The following ERBIN variants were observed in gnomAD, a reference collection of about 807,000 sequenced individuals.
ERBIN encodes the protein erbb2 interacting protein.
Under a neutral mutation model 158.4 loss-of-function variants are expected in ERBIN, and 60 were observed. The observed-to-expected ratio is 0.38, with a 90% CI of 0.31 to 0.47. ERBIN has a LOEUF of 0.47. Among genes scored for constraint, ERBIN ranks in the 20% least tolerant of loss-of-function variants. The probability of loss-of-function intolerance (pLI) is 0.99; values close to 1 mark genes in which losing one functional copy is unlikely to be tolerated. For missense variants in ERBIN, 1,610 were observed against 1,648.0 expected (o/e 0.98, Z 0.40); for synonymous variants, 594 against 557.2 (o/e 1.07, Z -0.93).
At chr5:65,931,044 T>C (rs1743311995) in intron 1 of ERBIN, among the ~76,000 whole-genome samples, 1 of 143,004 alleles carries the variant, frequency 7.0e-6, no homozygotes, top group African/African-American at 3.1e-5. Flanking sequence ...TGGAAGACGA[T>C]AGAAAAGGAG....
chr5:65,958,221 G>A (rs1300441573), intron 1 of ERBIN, among the ~76,000 whole-genome samples: 5 of 152,052 alleles, frequency 3.3e-5, no homozygotes, highest in East Asian at 3.9e-4. Context: ...ATGGGGTGGC[G>A]GCCGGGCAGA....
At chr5:65,949,333 T>C (rs182800472) in intron 1 of ERBIN, among the ~76,000 whole-genome samples, 6 of 152,006 alleles carry the variant, frequency 3.9e-5, no homozygotes, top group African/African-American at 1.4e-4. Flanking sequence ...ATCTGTGCTA[T>C]AAAAAAAATA....
intron 1 of ERBIN, among the ~76,000 whole-genome samples, chr5:65,939,763 G>A (rs1417380508): frequency 2.0e-5 from 3 of 152,050 alleles, no homozygotes; most frequent in African/African-American, 7.3e-5. Flanking sequence ...TGGCCGGGCT[G>A]GTCTCCAGCT....
chr5:66,056,384 G>C (rs114823439), intron 21 of ERBIN, among the ~76,000 whole-genome samples: 4,244 of 152,202 alleles, frequency 0.028, 95 homozygotes, highest in Middle Eastern at 0.041. Context: ...TAGAGGAGGA[G>C]TAGGAGATTT....
At chr5:65,936,773 A>G (rs1744133431) in intron 1 of ERBIN, among the ~76,000 whole-genome samples, 1 of 152,234 alleles carries the variant, frequency 6.6e-6, no homozygotes, top group South Asian at 2.1e-4. Flanking sequence ...ATTCAAACAT[A>G]GAAATATAGA....
intron 7 of ERBIN, among the ~76,000 whole-genome samples, chr5:66,020,070 T>A (rs868057761): frequency 6.6e-6 from 1 of 152,056 alleles, no homozygotes; most frequent in Non-Finnish European, 1.5e-5. Context: ...TGGGGAAAGA[T>A]ATGAGTAAGG....
intron 1 of ERBIN, among the ~76,000 whole-genome samples, chr5:65,980,884 C>T (rs773607979): frequency 6.6e-5 from 10 of 152,118 alleles, no homozygotes; most frequent in Non-Finnish European, 1.3e-4. Flanking sequence ...TTTTCGATAA[C>T]TTACAGAAAA....
At chr5:65,960,056 T>C (rs768902579) in intron 1 of ERBIN, among the ~76,000 whole-genome samples, 22 of 152,232 alleles carry the variant, frequency 1.4e-4, no homozygotes, top group Non-Finnish European at 2.5e-4. Context: ...TATAACAGCT[T>C]TAATAGTCCA....
intron 4 of ERBIN, among the ~76,000 whole-genome samples, chr5:65,997,991 G>A (rs929181421): frequency 6.6e-6 from 1 of 151,900 alleles, no homozygotes; most frequent in Non-Finnish European, 1.5e-5. Context: ...ACTTTGGGAC[G>A]CTGAGGTGGG....
rs574718486 is a variant in ERBIN at position 66,065,337 on chromosome 5, A to T, written c.3634-6832A>T. Among the ~76,000 whole-genome samples the T allele has an allele frequency of 4.9e-5, 7 of 142,188 alleles. No homozygotes were observed. The South Asian group carries it at 1.6e-3, about 32-fold the overall frequency. The allele number at this position is 142,188 out of a possible 152,430, so 93.3% of individuals were successfully genotyped here. On this transcript the variant is annotated intron_variant, in intron 21 of 25. Transcript: ENST00000284037. ...TACTTATTATTTCAAAGAGCAGCCC[A>T]TTCCAATTCAGTGATATGTACACCC...
intron 1 of ERBIN, among the ~76,000 whole-genome samples, chr5:65,949,477 T>C (rs944749661): frequency 6.6e-6 from 1 of 152,234 alleles, no homozygotes; most frequent in African/African-American, 2.4e-5. Context: ...GTGTTAACAC[T>C]AAATGGTTGA....
intron 1 of ERBIN, among the ~76,000 whole-genome samples, chr5:65,968,976 T>C (rs543771735): frequency 1.3e-5 from 2 of 152,216 alleles, no homozygotes; most frequent in East Asian, 1.9e-4. Flanking sequence ...AAGGGAAATA[T>C]CGTGATTGAG....
intron 22 of ERBIN, among the ~76,000 whole-genome samples, chr5:66,073,841 C>G (rs115169732): frequency 6.0e-4 from 91 of 152,052 alleles, no homozygotes; most frequent in African/African-American, 2.1e-3. Context: ...ACACAAAAAT[C>G]TTTTTATATG....
rs369202724 is a variant in ERBIN at position 66,038,435 on chromosome 5, T to G, written c.1259T>G (p.Met420Arg). ...GAAACTGATTCAGAGACCCAGAAAA[T>G]GGTGCTTACCAACTACATGTTCCCT... is the stretch of plus-strand genomic sequence containing the variant. ...QKETDSETQK[M>R]VLTNYMFPQQ... The change falls in exon 15 of 26, where the codon ATG (methionine) becomes AGG (arginine). Residue 420 changes from methionine (M) to arginine (R), a missense_variant. Physicochemically the swap from Met to Arg is moderately conservative, Grantham distance 91. Coordinates refer to ENST00000284037, the MANE Select transcript of ERBIN (RefSeq NM_001253697.2). 1.2e-6 allele frequency: 2 copies of G among 1,612,324 alleles called. No homozygotes were observed. Among genetic ancestry groups the G allele is most frequent in the Non-Finnish European group, 1.7e-6 (2 of 1,178,896 alleles).
chr5:66,054,648 C>G lies in ERBIN; in HGVS notation c.3330C>G (p.Phe1110Leu). The change falls in exon 21 of 26, where the codon TTC (phenylalanine) becomes TTG (leucine). Residue 1110 changes from phenylalanine (F) to leucine (L), a missense_variant. Physicochemically the swap from Phe to Leu is conservative, Grantham distance 22. Coordinates refer to ENST00000284037, the MANE Select transcript of ERBIN (RefSeq NM_001253697.2). ...GAGATTATTTATCATACAGAGAGTT[C>G]CACTCAGCGGGAAGAACTCCTCCAA... ...PEGDYLSYRE[F>L]HSAGRTPPMM... is the part of the protein sequence containing the mutation. 1 of 1,614,096 alleles carries G rather than the reference C, an allele frequency of 6.2e-7. No individual in the cohort carries two copies. Among genetic ancestry groups the G allele is most frequent in the Non-Finnish European group, 8.5e-7 (1 of 1,179,998 alleles).
At position 66,044,128 on chromosome 5, in the gene ERBIN, T is replaced by G; in HGVS notation, c.1429-9T>G. ...TGTACTTCATATTTTACTTATTTTA[T>G]TTCTCTAGGAGGGAAATTTAAAAAG... On this transcript the variant is annotated splice_polypyrimidine_tract_variant and intron_variant, in intron 16 of 25. Coordinates refer to ENST00000284037, the MANE Select transcript of ERBIN (RefSeq NM_001253697.2). The G allele has an allele frequency of 6.6e-7, 1 of 1,525,358 alleles. No homozygotes were observed. Among genetic ancestry groups the G allele is most frequent in the Non-Finnish European group, 8.8e-7 (1 of 1,140,808 alleles). The allele number at this position is 1,525,358 out of a possible 1,614,324, so 94.5% of individuals were successfully genotyped here.
chr5:65,977,892 C>A (rs551438939), intron 1 of ERBIN, among the ~76,000 whole-genome samples: 3 of 151,048 alleles, frequency 2.0e-5, no homozygotes, highest in Admixed American at 1.3e-4. Flanking sequence ...AACGAGACTC[C>A]GTCTGCAATC....
intron 21 of ERBIN, among the ~76,000 whole-genome samples, chr5:66,064,827 T>C (rs1316711302): frequency 1.3e-5 from 2 of 152,162 alleles, no homozygotes; most frequent in Non-Finnish European, 2.9e-5. Context: ...GTAGCCAAGG[T>C]TTCTGATTTG....
In ERBIN at chr5:66,076,876, G is replaced by A. The variant is rs1327218433; in HGVS notation, c.4058G>A (p.Gly1353Asp). 2 of 1,603,950 alleles carry A rather than the reference G, an allele frequency of 1.2e-6. No homozygotes were observed. The highest frequency in any genetic ancestry group is 1.7e-5 in the Admixed American group (1 of 59,460). The change falls in exon 25 of 26, where the codon GGT becomes GAT. Residue 1353 changes from glycine (G) to aspartate (D), a missense_variant and splice_region_variant. This residue lies in a region of ERBIN where 1,014 missense variants were observed against 936.1 expected (regional missense o/e 1.08). Transcript: ENST00000284037. ...AAATAATTTTTTTTGTTGTTAAAGG[G>A]TATATTTGTAACAAGGGTACAACCT... ...RGNPFRPDDD[G>D]IFVTRVQPEG...
Sources: allele counts gnomAD v4.1 joint callset (sites outside exome capture counted in the v4.1 genomes callset), GRCh38; gene constraint gnomAD v4.1.1; regional missense constraint gnomAD v4.1.1; transcripts MANE v1.5; gene names NCBI Gene and HGNC (gene_info 2026-07-23, HGNC 2026-07-21).